The following PTPRD variants were observed in gnomAD, a reference collection of about 807,000 sequenced individuals.
PTPRD encodes protein tyrosine phosphatase receptor type D, also known as receptor-type tyrosine-protein phosphatase delta.
A neutral mutation model predicts 214.5 loss-of-function variants in PTPRD; 34 were observed. That is an observed-to-expected ratio of 0.16 (90% CI 0.12 to 0.21). The LOEUF (loss-of-function observed/expected upper bound fraction) is 0.21, where lower values mean the gene tolerates loss of function less well. PTPRD is among the 10% of genes least tolerant of loss of function. The probability of loss-of-function intolerance (pLI) is 1.00; values close to 1 mark genes in which losing one functional copy is unlikely to be tolerated. For synonymous variants in PTPRD, 1,128 were observed against 845.7 expected (o/e 1.33, Z -5.79); for missense variants, 2,545 against 2,398.7 (o/e 1.06, Z -1.27).
chr9:9,368,538 A>T (rs1463138363), intron 9 of PTPRD, among the ~76,000 whole-genome samples: 2 of 151,828 alleles, frequency 1.3e-5, no homozygotes, highest in Non-Finnish European at 2.9e-5. Context: ...AGAATATTAA[A>T]GTCAGAGAGA....
intron 11 of PTPRD, among the ~76,000 whole-genome samples, chr9:8,936,988 G>C (rs1486907795): frequency 1.3e-5 from 2 of 152,036 alleles, no homozygotes; most frequent in Non-Finnish European, 2.9e-5. Flanking sequence ...TTTGTTTTTG[G>C]TAACAAGTAA....
chr9:10,238,781 A>G (rs754853306), intron 3 of PTPRD, among the ~76,000 whole-genome samples: 22 of 152,008 alleles, frequency 1.4e-4, no homozygotes, highest in Non-Finnish European at 2.5e-4. Flanking sequence ...TTGAAGAAAC[A>G]AAAGTTGGGA....
intron 7 of PTPRD, among the ~76,000 whole-genome samples, chr9:9,584,841 C>G (rs570514604): frequency 1.3e-3 from 204 of 152,036 alleles, no homozygotes; most frequent in African/African-American, 4.6e-3. Flanking sequence ...CTTGACCATC[C>G]TGAGTCTTCA....
intron 5 of PTPRD, among the ~76,000 whole-genome samples, chr9:9,929,655 G>T (rs113747512): frequency 5.3e-5 from 8 of 152,200 alleles, no homozygotes; most frequent in African/African-American, 1.9e-4. Context: ...GCCTCACAAA[G>T]TGCTGAGATT....
At chr9:9,404,708 G>C (rs1318350387) in intron 8 of PTPRD, among the ~76,000 whole-genome samples, 1 of 152,058 alleles carries the variant, frequency 6.6e-6, no homozygotes, top group East Asian at 1.9e-4. Context: ...TCTAGGACTA[G>C]AGATAAACAT....
chr9:10,125,683 C>A (rs1310673714), intron 3 of PTPRD, among the ~76,000 whole-genome samples: 3 of 148,204 alleles, frequency 2.0e-5, no homozygotes, highest in African/African-American at 7.5e-5. Context: ...GGGGTTTCAC[C>A]ATGTTGGTCA....
At chr9:8,358,320 G>C (rs914478595) in intron 39 of PTPRD, among the ~76,000 whole-genome samples, 1 of 151,708 alleles carries the variant, frequency 6.6e-6, no homozygotes, top group African/African-American at 2.4e-5. Flanking sequence ...GGTTAAAATA[G>C]TTTAAACATA....
intron 2 of PTPRD, among the ~76,000 whole-genome samples, chr9:10,460,205 G>A (rs2098948411): frequency 6.6e-6 from 1 of 151,748 alleles, no homozygotes; most frequent in African/African-American, 2.4e-5. Flanking sequence ...CTGAAAACTA[G>A]AAAATACAGA....
intron 4 of PTPRD, among the ~76,000 whole-genome samples, chr9:9,951,287 A>G (rs1458557306): frequency 5.9e-5 from 9 of 152,172 alleles, no homozygotes; most frequent in Non-Finnish European, 7.4e-5. Context: ...AAGGGCCTCA[A>G]TGGCAGTGTT....
intron 10 of PTPRD, among the ~76,000 whole-genome samples, chr9:9,038,116 G>A (rs905165268): frequency 6.6e-6 from 1 of 152,074 alleles, no homozygotes; most frequent in Non-Finnish European, 1.5e-5. Context: ...TCTCTTCCAT[G>A]TCTGGATTCA....
intron 11 of PTPRD, among the ~76,000 whole-genome samples, chr9:8,835,191 C>A (rs552831726): frequency 6.6e-6 from 1 of 152,344 alleles, no homozygotes; most frequent in Non-Finnish European, 1.5e-5. Flanking sequence ...AGCTAGACAT[C>A]ACCTGAGTTT....
At chr9:8,390,689 C>A (rs890780459) in intron 36 of PTPRD, among the ~76,000 whole-genome samples, 2 of 152,048 alleles carry the variant, frequency 1.3e-5, no homozygotes, top group Admixed American at 1.3e-4. Context: ...GATTTAAAGC[C>A]TAGTTTTCCA....
At chr9:8,395,383 T>C (rs1284044985) in intron 36 of PTPRD, among the ~76,000 whole-genome samples, 1 of 151,500 alleles carries the variant, frequency 6.6e-6, no homozygotes, top group East Asian at 1.9e-4. Context: ...AAACAGGAAA[T>C]AGGAAAGCAA....
At chr9:9,295,387 T>A (rs1952650902) in intron 9 of PTPRD, among the ~76,000 whole-genome samples, 1 of 151,734 alleles carries the variant, frequency 6.6e-6, no homozygotes. Flanking sequence ...AAATAAAGTG[T>A]AACTGACAGT....
At chr9:10,120,786 C>G (rs952372935) in intron 3 of PTPRD, among the ~76,000 whole-genome samples, 13 of 152,010 alleles carry the variant, frequency 8.6e-5, no homozygotes, top group African/African-American at 3.1e-4. Context: ...AAGCAGAGAG[C>G]TTTCTCTGAC....
intron 7 of PTPRD, among the ~76,000 whole-genome samples, chr9:9,641,268 G>A (rs1491004385): frequency 1.3e-5 from 2 of 152,178 alleles, no homozygotes; most frequent in African/African-American, 4.8e-5. Context: ...TGGTGAACAT[G>A]CCTTTCATCA....
chr9:8,948,720 T>A (rs987318731), intron 11 of PTPRD, among the ~76,000 whole-genome samples: 1 of 148,744 alleles, frequency 6.7e-6, no homozygotes, highest in Admixed American at 6.9e-5. Flanking sequence ...ACACGTAATT[T>A]TTTTATCCGT....
intron 11 of PTPRD, among the ~76,000 whole-genome samples, chr9:8,894,997 A>G (rs533560488): frequency 6.6e-6 from 1 of 152,206 alleles, no homozygotes; most frequent in Non-Finnish European, 1.5e-5. Context: ...ACTGCAATGC[A>G]GTGCTGTCTT....
chr9:8,906,132 C>T (rs2098706050), intron 11 of PTPRD, among the ~76,000 whole-genome samples: 1 of 152,098 alleles, frequency 6.6e-6, no homozygotes, highest in African/African-American at 2.4e-5. Context: ...TTTGTAAGGA[C>T]CTATGCCCTG....
Sources: gnomAD v4.1 joint callset for allele counts (sites outside exome capture counted in the v4.1 genomes callset) on GRCh38, gnomAD v4.1.1 for gene constraint, MANE v1.5 for transcripts, NCBI Gene and HGNC (gene_info 2026-07-23, HGNC 2026-07-21) for gene names.